The following TSGA10 variants were observed in gnomAD, a reference collection of about 807,000 sequenced individuals.
TSGA10 encodes the protein testis-specific gene 10 protein.
Under a neutral mutation model 96.6 loss-of-function variants are expected in TSGA10, and 43 were observed. The observed-to-expected ratio is 0.44, with a 90% CI of 0.35 to 0.57. TSGA10 has a LOEUF of 0.57. TSGA10 is among the 20% of genes least tolerant of loss of function. The probability of loss-of-function intolerance (pLI) is 0.01; values close to 1 mark genes in which losing one functional copy is unlikely to be tolerated. For missense variants in TSGA10, 703 were observed against 834.4 expected, an observed-to-expected ratio of 0.84 and a Z score of 1.94; for synonymous variants, 229 against 269.9, an observed-to-expected ratio of 0.85 and a Z score of 1.48.
chr2:99,035,619 CT>C lies in TSGA10; in HGVS notation c.1405-181del, dbSNP rs5832864. On this transcript the variant is annotated intron_variant, in intron 16 of 20. Transcript: ENST00000393483. ...AGTCTAAGATAAATTCAGGTTTTGACTTTTTTTTTTTTTACATAAAATTCAT... is the reference window on the plus strand; with the variant it reads ...AGTCTAAGATAAATTCAGGTTTTGACTTTTTTTTTTTTACATAAAATTCAT... Among the ~76,000 whole-genome samples the C allele has an allele frequency of 3.6e-3, 519 of 143,226 alleles. 1 individual carries two copies. Among genetic ancestry groups the C allele is most frequent in the South Asian group, 9.2e-3 (42 of 4,554 alleles). 94.0% of individuals were successfully genotyped at this position (143,226 alleles called of 152,430 possible). A position where few individuals can be genotyped will look rare whatever the true frequency, so the allele number is the denominator to read the frequency against.
At chr2:99,074,506 A>AT (rs1336367957) in intron 12 of TSGA10, among the ~76,000 whole-genome samples, 2 of 115,842 alleles carry the variant, frequency 1.7e-5, no homozygotes, top group Admixed American at 1.7e-4. Context: ...TAAAATATGC[A>AT]TTAAAAAAAA....
intron 11 of TSGA10, chr2:99,079,059 G>A (rs2087108499): frequency 3.3e-6 from 1 of 298,688 alleles, no homozygotes; most frequent in South Asian, 1.0e-4. Flanking sequence ...GTGAAGGAAA[G>A]CTCTACATCG....
At chr2:99,140,908 C>T (rs2093512815) in intron 1 of TSGA10, among the ~76,000 whole-genome samples, 2 of 152,118 alleles carry the variant, frequency 1.3e-5, no homozygotes, top group African/African-American at 4.8e-5. Context: ...TGCCGAGCTT[C>T]CGGCCGGCAG....
chr2:99,077,562 TTTTA>T (rs2104564602), intron 12 of TSGA10, among the ~76,000 whole-genome samples: 1 of 152,106 alleles, frequency 6.6e-6, no homozygotes, highest in South Asian at 2.1e-4. Flanking sequence ...CTTTTATTTA[TTTTA>T]TTTATTTATT....
At chr2:99,148,998 A>G (rs1440986271) in intron 1 of TSGA10, among the ~76,000 whole-genome samples, 1 of 151,858 alleles carries the variant, frequency 6.6e-6, no homozygotes, top group Non-Finnish European at 1.5e-5. Flanking sequence ...AAAATAAATA[A>G]AAATAAAAAT....
At chr2:99,062,954 A>G (rs1218658706) in intron 16 of TSGA10, among the ~76,000 whole-genome samples, 3 of 152,244 alleles carry the variant, frequency 2.0e-5, no homozygotes, top group African/African-American at 7.2e-5. Flanking sequence ...CAGGTTAATA[A>G]GGACCAAGTA....
Position 99,071,834 on chromosome 2 carries a change from A to G in TSGA10, c.979T>C (p.Ser327Pro). Residue 327 changes from serine (S) to proline (P), a missense_variant, in exon 14 of 21, where the codon TCC (serine) becomes CCC (proline). Around this residue, in one of 3 missense-constraint regions of TSGA10, gnomAD observed 585 missense variants for 656.8 expected, o/e 0.89. Coordinates refer to ENST00000393483, the MANE Select transcript of TSGA10 (RefSeq NM_025244.4). Reference protein sequence around the residue: ...EALIVCEQDVSRMRRQLDETN... With the variant: ...EALIVCEQDVPRMRRQLDETN... Reference sequence around the variant, plus strand: ...TCATCCAATTGCCGACGCATTCTGGAAACGTCTTGTTCACACACAATTAGG... The same window carrying G: ...TCATCCAATTGCCGACGCATTCTGGGAACGTCTTGTTCACACACAATTAGG... The G allele has an allele frequency of 6.2e-7, 1 of 1,614,060 alleles. No homozygotes were observed. Among genetic ancestry groups the G allele is most frequent in the South Asian group, 1.1e-5 (1 of 91,074 alleles).
chr2:99,040,193 C>A (rs2082055243), intron 16 of TSGA10, among the ~76,000 whole-genome samples: 1 of 152,128 alleles, frequency 6.6e-6, no homozygotes, highest in African/African-American at 2.4e-5. Context: ...AAAGCATTCC[C>A]CCTAAGAACT....
chr2:99,061,939 A>C (rs1451872290), intron 16 of TSGA10, among the ~76,000 whole-genome samples: 1 of 152,226 alleles, frequency 6.6e-6, no homozygotes, highest in African/African-American at 2.4e-5. Context: ...AAGAAAGGCC[A>C]TGTGAGAATG....
At chr2:99,099,601 G>C (rs1427292700) in intron 10 of TSGA10, among the ~76,000 whole-genome samples, 1 of 152,096 alleles carries the variant, frequency 6.6e-6, no homozygotes, top group East Asian at 1.9e-4. Flanking sequence ...CAACATTCAT[G>C]TATGATTTTT....
At chr2:99,016,732 C>T (rs1313916099) in intron 20 of TSGA10, among the ~76,000 whole-genome samples, 1 of 152,146 alleles carries the variant, frequency 6.6e-6, no homozygotes, top group Non-Finnish European at 1.5e-5. Context: ...AGAAAATCTT[C>T]CCAAACGTGC....
intron 20 of TSGA10, among the ~76,000 whole-genome samples, chr2:99,005,244 C>T (rs1235192658): frequency 6.6e-6 from 1 of 152,156 alleles, no homozygotes; most frequent in African/African-American, 2.4e-5. Context: ...GACAGGGATG[C>T]CCTCTCTCAC....
intron 17 of TSGA10, among the ~76,000 whole-genome samples, chr2:99,022,519 G>A (rs1040983197): frequency 6.6e-6 from 1 of 151,974 alleles, no homozygotes; most frequent in Non-Finnish European, 1.5e-5. Context: ...CGATGTTTTA[G>A]CAGGATCAAA....
intron 17 of TSGA10, among the ~76,000 whole-genome samples, chr2:99,024,511 T>TC (rs1396688296): frequency 6.6e-6 from 1 of 152,232 alleles, no homozygotes; most frequent in African/African-American, 2.4e-5. Context: ...TGATCTTGTG[T>TC]CCTACAACCC....
chr2:99,038,249 G>A (rs1215549615), intron 16 of TSGA10, among the ~76,000 whole-genome samples: 4 of 151,698 alleles, frequency 2.6e-5, no homozygotes, highest in Admixed American at 2.6e-4. Flanking sequence ...CACAATTAAA[G>A]AAAAACAAAG....
chr2:99,071,403 TTTTC>T (rs1379220749), intron 14 of TSGA10, among the ~76,000 whole-genome samples: 4 of 152,014 alleles, frequency 2.6e-5, no homozygotes, highest in African/African-American at 9.7e-5. Context: ...ACACCTATTC[TTTTC>T]TTTAAGGTTT....
chr2:99,125,506 C>T (rs1190013558), intron 2 of TSGA10: 4 of 152,120 alleles, frequency 2.6e-5, no homozygotes, highest in Non-Finnish European at 5.9e-5. Context: ...AAGTCCTTGC[C>T]AGATAATTGT....
intron 20 of TSGA10, among the ~76,000 whole-genome samples, chr2:99,002,843 T>A (rs1042566689): frequency 1.3e-5 from 2 of 151,514 alleles, no homozygotes; most frequent in Non-Finnish European, 2.9e-5. Context: ...GTTACAATCC[T>A]AGTCTCTGAT....
intron 10 of TSGA10, among the ~76,000 whole-genome samples, chr2:99,094,590 G>A (rs1338611060): frequency 1.3e-5 from 2 of 152,070 alleles, no homozygotes; most frequent in African/African-American, 4.8e-5. Flanking sequence ...AGTGGGCTAA[G>A]GACATGAATA....
Sources: allele counts gnomAD v4.1 joint callset (sites outside exome capture counted in the v4.1 genomes callset), GRCh38; gene constraint gnomAD v4.1.1; regional missense constraint gnomAD v4.1.1; transcripts MANE v1.5; gene names NCBI Gene and HGNC (gene_info 2026-07-23, HGNC 2026-07-21).